Variants in DAB1 observed in about 807,000 individuals in gnomAD.
DAB1 encodes the protein DAB adaptor protein 1, also known as disabled homolog 1.
Under a neutral mutation model 64.6 loss-of-function variants are expected in DAB1, and 15 were observed. That is an observed-to-expected ratio of 0.23 (90% CI 0.16 to 0.36). The LOEUF is 0.36. Among genes scored for constraint, DAB1 ranks in the 10% least tolerant of loss-of-function variants. DAB1 has a pLI of 1.00. For synonymous variants in DAB1, 235 were observed against 251.9 expected (o/e 0.93, Z 0.64); for missense variants, 596 against 706.7 (o/e 0.84, Z 1.78).
At chr1:57,078,279 T>C (rs1305684658) in intron 4 of DAB1, among the ~76,000 whole-genome samples, 1 of 152,024 alleles carries the variant, frequency 6.6e-6, no homozygotes, top group African/African-American at 2.4e-5. Flanking sequence ...AGAGGTGGTG[T>C]GATAATGGAG....
rs144621209 is a variant in DAB1 at position 58,520,392 on chromosome 1, A to G, written n.107+6869T>C. On this transcript the variant is annotated intron_variant and non_coding_transcript_variant, in intron 2 of 20. Transcript: ENST00000485760. ...ATAAGAACACAAACTTCCTTGCCCA[A>G]TTTGAAAATGGGAAAAATATCTGAG... Among the ~76,000 whole-genome samples, 783 of 152,348 alleles carry G rather than the reference A, an allele frequency of 5.1e-3. 8 individuals carry two copies. Among genetic ancestry groups the G allele is most frequent in the African/African-American group, 0.018 (747 of 41,592 alleles).
intron 3 of DAB1, among the ~76,000 whole-genome samples, chr1:57,144,544 A>G (rs1658922764): frequency 1.3e-5 from 2 of 152,048 alleles, no homozygotes; most frequent in Non-Finnish European, 2.9e-5. Context: ...AAATACAAAA[A>G]TTAGCCAGGC....
At chr1:58,505,022 G>C (rs542845417) in intron 3 of DAB1, among the ~76,000 whole-genome samples, 1 of 151,720 alleles carries the variant, frequency 6.6e-6, no homozygotes. Context: ...GCACGATCTC[G>C]GCTCACTACA....
chr1:57,390,150 G>A (rs1224584182), intron 1 of DAB1, among the ~76,000 whole-genome samples: 5 of 152,196 alleles, frequency 3.3e-5, no homozygotes, highest in African/African-American at 4.8e-5. Context: ...AGACAAAGAA[G>A]GTTTTGGCCC....
chr1:58,320,485 A>G (rs775813722), intron 4 of DAB1, among the ~76,000 whole-genome samples: 2 of 152,208 alleles, frequency 1.3e-5, no homozygotes, highest in Non-Finnish European at 2.9e-5. Context: ...ACTTCGAGAA[A>G]TGAAGTGACT....
At chr1:58,107,219 G>A (rs925997172) in intron 5 of DAB1, among the ~76,000 whole-genome samples, 4 of 151,618 alleles carry the variant, frequency 2.6e-5, no homozygotes, top group African/African-American at 9.7e-5. Context: ...CCAGCACTTT[G>A]GGAGGCTGAG....
chr1:57,704,878 T>TTTCC (rs57907821), intron 6 of DAB1, among the ~76,000 whole-genome samples: 3,643 of 146,340 alleles, frequency 0.025, 68 homozygotes, highest in Admixed American at 0.034. Flanking sequence ...GGAAATTTCT[T>TTTCC]TTCCTTCCTT....
At chr1:57,385,350 T>G (rs1166805662) in intron 1 of DAB1, among the ~76,000 whole-genome samples, 1 of 152,246 alleles carries the variant, frequency 6.6e-6, no homozygotes, top group Non-Finnish European at 1.5e-5. Flanking sequence ...CATAGGCATA[T>G]GCATGTGTTA....
intron 5 of DAB1, among the ~76,000 whole-genome samples, chr1:58,008,266 C>T (rs1238381196): frequency 1.3e-5 from 2 of 152,110 alleles, no homozygotes; most frequent in Non-Finnish European, 2.9e-5. Flanking sequence ...TCCTAATTCC[C>T]GGTTTTATCC....
intron 3 of DAB1, among the ~76,000 whole-genome samples, chr1:58,384,993 T>C (rs1038556726): frequency 1.3e-5 from 2 of 152,210 alleles, no homozygotes; most frequent in African/African-American, 4.8e-5. Flanking sequence ...CAGACACACC[T>C]AGGAACAATA....
chr1:57,196,164 G>A (rs767950726), intron 2 of DAB1, among the ~76,000 whole-genome samples: 16 of 152,224 alleles, frequency 1.1e-4, no homozygotes, highest in African/African-American at 3.6e-4. Context: ...ATTTGAGTTA[G>A]GATGTCTCAA....
chr1:57,055,036 A>G (rs1229391844), intron 9 of DAB1, among the ~76,000 whole-genome samples: 5 of 152,162 alleles, frequency 3.3e-5, no homozygotes, highest in Non-Finnish European at 5.9e-5. Context: ...GCTTTGCTCA[A>G]TTAATTCCCT....
chr1:57,985,665 G>C (rs1216205025), intron 5 of DAB1, among the ~76,000 whole-genome samples: 2 of 151,758 alleles, frequency 1.3e-5, no homozygotes, highest in Non-Finnish European at 1.5e-5. Flanking sequence ...AAAAATGGCT[G>C]TGAGTATTAG....
At chr1:57,682,701 C>A (rs781749490) in intron 6 of DAB1, among the ~76,000 whole-genome samples, 2 of 152,234 alleles carry the variant, frequency 1.3e-5, no homozygotes, top group South Asian at 2.1e-4. Context: ...TAGGCAGAGA[C>A]AAGGCTTCAG....
At chr1:58,506,824 T>A (rs1242709702) in intron 2 of DAB1, among the ~76,000 whole-genome samples, 1 of 152,156 alleles carries the variant, frequency 6.6e-6, no homozygotes, top group Non-Finnish European at 1.5e-5. Flanking sequence ...ATTTTCTCAA[T>A]GTATATGGAC....
intron 7 of DAB1, among the ~76,000 whole-genome samples, chr1:57,635,867 G>A (rs575050917): frequency 4.6e-5 from 7 of 151,814 alleles, no homozygotes; most frequent in East Asian, 3.9e-4. Flanking sequence ...AGGCCAAGGC[G>A]GGCAGATCAC....
intron 7 of DAB1, among the ~76,000 whole-genome samples, chr1:57,506,146 C>G (rs1644340513): frequency 6.6e-6 from 1 of 152,068 alleles, no homozygotes; most frequent in African/African-American, 2.4e-5. Context: ...CTGAGCCCAG[C>G]AGGGCTGTTG....
At chr1:58,391,014 CA>C in intron 3 of DAB1, among the ~76,000 whole-genome samples, 1 of 152,254 alleles carries the variant, frequency 6.6e-6, no homozygotes, top group Admixed American at 6.5e-5. Flanking sequence ...GGGAGGTAGG[CA>C]ATCGCGGTCC....
chr1:58,368,591 T>G (rs1644237056), intron 3 of DAB1, among the ~76,000 whole-genome samples: 1 of 152,138 alleles, frequency 6.6e-6, no homozygotes, highest in Admixed American at 6.5e-5. Context: ...TATTTAGAAT[T>G]TTGACAGGCC....
Sources: gnomAD v4.1 joint callset for allele counts (sites outside exome capture counted in the v4.1 genomes callset) on GRCh38, gnomAD v4.1.1 for gene constraint, MANE v1.5 for transcripts, NCBI Gene and HGNC (gene_info 2026-07-23, HGNC 2026-07-21) for gene names.